Variants in PKHD1L1 observed in about 807,000 individuals in gnomAD.
The protein encoded by PKHD1L1 is PKHD1 like 1, also known as fibrocystin-L.
Under a neutral mutation model 462.9 loss-of-function variants are expected in PKHD1L1, and 434 were observed. The observed-to-expected ratio is 0.94, with a 90% CI of 0.87 to 1.02. PKHD1L1 has a LOEUF of 1.02. PKHD1L1 is among the 50% of genes least tolerant of loss of function. The pLI, the probability that PKHD1L1 is intolerant of heterozygous loss-of-function variation, is 0.00. For missense variants in PKHD1L1, 5,202 were observed against 5,096.1 expected (o/e 1.02, Z -0.63); for synonymous variants, 1,781 against 1,750.0 (o/e 1.02, Z -0.44).
At chr8:109,410,413 C>G (rs565714966) in intron 19 of PKHD1L1, among the ~76,000 whole-genome samples, 11 of 152,178 alleles carry the variant, frequency 7.2e-5, no homozygotes, top group African/African-American at 2.4e-4. Context: ...TTGGGAAACT[C>G]TCAATCATGG....
At chr8:109,432,976 C>G in intron 27 of PKHD1L1, 130 bp from the exon 28 acceptor site, 2 of 637,380 alleles carry the variant, frequency 3.1e-6, no homozygotes, top group Non-Finnish European at 2.7e-6. Context: ...TTTCTCCCTG[C>G]TCTCCTGTTA....
At chr8:109,376,019 C>G (rs557568136) in intron 2 of PKHD1L1, among the ~76,000 whole-genome samples, 1 of 152,344 alleles carries the variant, frequency 6.6e-6, no homozygotes, top group South Asian at 2.1e-4. Context: ...CCACTACTCT[C>G]TTCAAAGCTG....
In PKHD1L1 at chr8:109,408,311, T is replaced by C. The variant is rs1034121015; in HGVS notation, c.1971+105T>C. On this transcript the variant is annotated intron_variant, in intron 18 of 77. Coordinates refer to ENST00000378402, the MANE Select transcript of PKHD1L1 (RefSeq NM_177531.6). ...GAAAGAGATGTTACTTCAAAAAAAA[T>C]CACTGCAAATTATTTATCACCTGAT... The C allele has an allele frequency of 5.5e-5, 57 of 1,043,932 alleles. No individual in the cohort carries two copies. The South Asian group carries it at 9.5e-4, about 17-fold the overall frequency. The allele number at this position is 1,043,932 out of a possible 1,614,324, so 64.7% of individuals were successfully genotyped here. A position where few individuals can be genotyped will look rare whatever the true frequency, so the allele number is the denominator to read the frequency against.
At chr8:109,507,632 A>G (rs951763433) in intron 68 of PKHD1L1, 31 bp from the exon 69 acceptor site, 1 of 1,559,676 alleles carries the variant, frequency 6.4e-7, no homozygotes, top group Non-Finnish European at 8.8e-7. Flanking sequence ...TCTAGAAACA[A>G]TGAACTGAAT....
In PKHD1L1 at chr8:109,381,383, A is replaced by G; in HGVS notation, c.177A>G (p.Ala59=). ...LTIRGEGFSQ[A]NQFNYGVDNA... is the part of the protein sequence containing the mutation. ...TTACTTTTCCAGGTTTTTCTCAAGC[A>G]AACCAGTTTAACTATGGAGTTGATA... is the stretch of plus-strand genomic sequence containing the variant. The change falls in exon 3 of 78, where the codon GCA becomes GCG. Residue 59 remains alanine (A), a synonymous_variant. Coordinates refer to ENST00000378402, the MANE Select transcript of PKHD1L1 (RefSeq NM_177531.6). The G allele has an allele frequency of 1.3e-6, 2 of 1,572,934 alleles. No individual in the cohort carries two copies. The highest frequency in any genetic ancestry group is 1.7e-6 in the Non-Finnish European group (2 of 1,157,378).
At position 109,384,078 on chromosome 8, in the gene PKHD1L1, T is replaced by C. The variant is rs1369417576; in HGVS notation, c.426T>C (p.Ser142=). The C allele has an allele frequency of 1.2e-6, 2 of 1,608,906 alleles. No homozygotes were observed. The highest frequency in any genetic ancestry group is 1.7e-6 in the Non-Finnish European group (2 of 1,175,712). The change falls in exon 5 of 78, where the codon AGT becomes AGC. Residue 142 remains serine (S), a synonymous_variant. Transcript: ENST00000378402. ...CATTATTCTTTTTACAGGCAAAAAG[T>C]TTTAGAACCCCAACAATAAGAAGCA... is the stretch of plus-strand genomic sequence containing the variant. ...NSWECTFNAK[S]FRTPTIRSIT...
In PKHD1L1 at chr8:109,433,178, C is replaced by T. The variant is rs1483178236; in HGVS notation, c.3302C>T (p.Ser1101Leu). 1 of 1,613,504 alleles carries T rather than the reference C, an allele frequency of 6.2e-7. No homozygotes were observed. The highest frequency in any genetic ancestry group is 8.5e-7 in the Non-Finnish European group (1 of 1,179,580). The change falls in exon 28 of 78, where the codon TCA becomes TTA. Residue 1101 changes from serine to leucine, a missense_variant. Ser to Leu is a moderately radical substitution (Grantham distance 145, BLOSUM62 -2). Coordinates refer to ENST00000378402, the MANE Select transcript of PKHD1L1 (RefSeq NM_177531.6). ...TCTCCTAGTTCAGCTGTAACAGTCTCAGTTGGACCAGTAGGTTGTTCTCTT... is the reference window on the plus strand; with the variant it reads ...TCTCCTAGTTCAGCTGTAACAGTCTTAGTTGGACCAGTAGGTTGTTCTCTT... ...GFSPSSAVTV[S>L]VGPVGCSLLS... is the part of the protein sequence containing the mutation.
In PKHD1L1 at chr8:109,536,175, A is replaced by G. The variant is rs935040758; in HGVS notation, c.*6085A>G. On this transcript the variant is annotated 3_prime_UTR_variant, in exon 78 of 78. Coordinates refer to ENST00000378402, the MANE Select transcript of PKHD1L1 (RefSeq NM_177531.6). Reference sequence around the variant, plus strand: ...AGGGGATTGTACTGATCTTGAAGATAACAAATCTGCCTGCTTCAAAGGTTT... The same window carrying G: ...AGGGGATTGTACTGATCTTGAAGATGACAAATCTGCCTGCTTCAAAGGTTT... Among the ~76,000 whole-genome samples, 1 of 152,228 alleles carries G rather than the reference A, an allele frequency of 6.6e-6. No homozygotes were observed. Among genetic ancestry groups the G allele is most frequent in the Admixed American group, 6.5e-5 (1 of 15,286 alleles).
Position 109,537,205 on chromosome 8 carries a change from C to A in PKHD1L1, c.*7115C>A, listed in dbSNP as rs746597134. Among the ~76,000 whole-genome samples the A allele has an allele frequency of 2.0e-5, 3 of 152,034 alleles. No individual in the cohort carries two copies. The highest frequency in any genetic ancestry group is 4.4e-5 in the Non-Finnish European group (3 of 68,010). On this transcript the variant is annotated 3_prime_UTR_variant, in exon 78 of 78. Transcript: ENST00000378402. ...TCATTAATAAAAAGCCATTAAAGTCCAAGTCAGAACAGCAGGTCTAAAATT... is the reference window on the plus strand; with the variant it reads ...TCATTAATAAAAAGCCATTAAAGTCAAAGTCAGAACAGCAGGTCTAAAATT...
intron 77 of PKHD1L1, 80 bp downstream of exon 77, chr8:109,527,100 T>C: frequency 8.5e-7 from 1 of 1,169,716 alleles, no homozygotes; most frequent in Non-Finnish European, 1.2e-6. Flanking sequence ...TGTGCACAGC[T>C]CTTGTGCATG....
chr8:109,386,235 A>C (rs569193494), intron 6 of PKHD1L1, among the ~76,000 whole-genome samples: 16 of 152,218 alleles, frequency 1.1e-4, no homozygotes, highest in Non-Finnish European at 2.2e-4. Context: ...TGGACTAAAA[A>C]CTAGCGTTGT....
intron 25 of PKHD1L1, among the ~76,000 whole-genome samples, chr8:109,429,010 A>T (rs1301546399): frequency 1.3e-5 from 2 of 152,214 alleles, no homozygotes; most frequent in African/African-American, 4.8e-5. Context: ...CAGAAAAAGC[A>T]TAGGACATTT....
At chr8:109,396,353 A>C (rs769306581) in intron 11 of PKHD1L1, among the ~76,000 whole-genome samples, 1 of 152,070 alleles carries the variant, frequency 6.6e-6, no homozygotes, top group Non-Finnish European at 1.5e-5. Context: ...ATAGGACCTG[A>C]GCTCTAGGGA....
chr8:109,523,087 T>C, intron 75 of PKHD1L1, 146 bp from the exon 76 acceptor site: 2 of 999,594 alleles, frequency 2.0e-6, no homozygotes, highest in South Asian at 3.7e-5. Context: ...GCTGCTCAGG[T>C]TTATGAACTC....
chr8:109,496,814 A>G (rs1819111605), intron 63 of PKHD1L1, 105 bp from the exon 64 acceptor site: 2 of 1,191,562 alleles, frequency 1.7e-6, no homozygotes, highest in South Asian at 1.6e-5. Flanking sequence ...AGAATTATGT[A>G]TGTAATTTTG....
Position 109,412,367 on chromosome 8 carries a change from CCAAA to C in PKHD1L1, c.2191_2194del (p.Asn731AspfsTer17). The C allele has an allele frequency of 6.2e-7, 1 of 1,613,496 alleles. No individual in the cohort carries two copies. Among genetic ancestry groups the C allele is most frequent in the Non-Finnish European group, 8.5e-7 (1 of 1,179,610 alleles). On this transcript the variant is annotated frameshift_variant, in exon 20 of 78. Coordinates refer to ENST00000378402, the MANE Select transcript of PKHD1L1 (RefSeq NM_177531.6). LOFTEE classifies it high-confidence loss of function. ...TCTTTTTGACTCAGCAGATGTTAAA[CCAAA>C]CAGACGACCATATGGAGATATTTTA...
At chr8:109,466,522 T>G in intron 49 of PKHD1L1, 56 bp from the exon 50 acceptor site, 2 of 1,474,372 alleles carry the variant, frequency 1.4e-6, no homozygotes, top group Non-Finnish European at 1.8e-6. Context: ...ATTGTAGACC[T>G]TTTTTATGTT....
rs1271351867 is a variant in PKHD1L1 at position 109,495,539 on chromosome 8, A to G, written c.10328-1380A>G. Among the ~76,000 whole-genome samples, 5 of 152,082 alleles carry G rather than the reference A, an allele frequency of 3.3e-5. No homozygotes were observed. In the East Asian group the frequency reaches 9.6e-4, roughly 29 times the overall value. ...ATTTATTCAATCCATCCTCCAGGCA[A>G]GAGTCTGGGAAACTGGGGATAGTGA... On this transcript the variant is annotated intron_variant, in intron 63 of 77. Transcript: ENST00000378402.
rs569490548 is a variant in PKHD1L1 at position 109,425,187 on chromosome 8, C to T, written c.2800C>T (p.Leu934=). 1.9e-6 allele frequency: 3 copies of T among 1,608,224 alleles called. No homozygotes were observed. Among genetic ancestry groups the T allele is most frequent in the African/African-American group, 2.7e-5 (2 of 74,572 alleles). Residue 934 remains leucine (L), a synonymous_variant, in exon 24 of 78, where the codon CTA becomes TTA. Transcript: ENST00000378402. ...IQRIQAASPP[L]SGSFDIQAYG... Reference sequence around the variant, plus strand: ...AAGAATTCAAGCTGCATCTCCACCTCTAAGTGGCAGCTTTGACATTCAAGC... The same window carrying T: ...AAGAATTCAAGCTGCATCTCCACCTTTAAGTGGCAGCTTTGACATTCAAGC...
Sources: gnomAD v4.1 joint callset for allele counts (sites outside exome capture counted in the v4.1 genomes callset) on GRCh38, gnomAD v4.1.1 for gene constraint, MANE v1.5 for transcripts, NCBI Gene and HGNC (gene_info 2026-07-23, HGNC 2026-07-21) for gene names.